GALT: variants seen among roughly 807,000 people sequenced by gnomAD.
GALT encodes the protein UDP-glucose--hexose-1-phosphate uridylyltransferase.
A neutral mutation model predicts 55.4 loss-of-function variants in GALT; 42 were observed. The ratio of observed to expected loss-of-function variants is 0.76; its 90% CI spans 0.59 to 0.98. GALT has a LOEUF of 0.98. GALT is among the 50% of genes least tolerant of loss of function. GALT has a pLI of 0.00. For missense variants in GALT, 407 were observed against 495.7 expected, an observed-to-expected ratio of 0.82 and a Z score of 1.70; for synonymous variants, 154 against 181.5, an observed-to-expected ratio of 0.85 and a Z score of 1.22.
At position 34,647,554 on chromosome 9, in the gene GALT, T is replaced by C. The variant is rs1487519949; in HGVS notation, c.315T>C (p.Asp105=). Residue 105 remains aspartate (D), a synonymous_variant, in exon 3 of 11, where the codon GAT becomes GAC. Transcript: ENST00000378842. This position sits in a 1 kb window ranked among gnomAD's most constrained non-coding sequence, Gnocchi z 5.6. Reference sequence around the variant, plus strand: ...ACGACTTCCCAGCTCTGCAGCCTGATGCCCCCAGTCCAGGTAACCTGGCTC... The same window carrying C: ...ACGACTTCCCAGCTCTGCAGCCTGACGCCCCCAGTCCAGGTAACCTGGCTC... ...FDNDFPALQP[D]APSPGPSDHP... 17 of 1,614,194 alleles carry C rather than the reference T, an allele frequency of 1.1e-5. No individual in the cohort carries two copies. The highest frequency in any genetic ancestry group is 1.4e-5 in the Non-Finnish European group (17 of 1,180,026).
rs1821168178 is a variant in GALT, at chr9:34,648,477, G to A, written c.687+21G>A. On this transcript the variant is annotated intron_variant, in intron 7 of 10. Coordinates refer to ENST00000378842, the MANE Select transcript of GALT (RefSeq NM_000155.4). This position sits in a 1 kb window ranked among gnomAD's most constrained non-coding sequence, Gnocchi z 4.9. ...GGAAGGTGGGAGAGAGCCAAGCCCT[G>A]TGTCCCCAAGGAGTCCCTAACTTTC... The A allele has an allele frequency of 1.9e-6, 3 of 1,614,162 alleles. No homozygotes were observed. Among genetic ancestry groups the A allele is most frequent in the Non-Finnish European group, 2.5e-6 (3 of 1,180,024 alleles).
rs1353805286 is a variant in GALT, at chr9:34,650,647, T to C, written c.*198T>C. On this transcript the variant is annotated 3_prime_UTR_variant, in exon 11 of 11. Coordinates refer to ENST00000378842, the MANE Select transcript of GALT (RefSeq NM_000155.4). ...GATCTAGGGTTAAAAGCTAAAGGCA[T>C]AGCTCCAGCTACAACTTTTCTTTGT... 1 of 586,788 alleles carries C rather than the reference T, an allele frequency of 1.7e-6. No homozygotes were observed. Among genetic ancestry groups the C allele is most frequent in the Non-Finnish European group, 3.0e-6 (1 of 330,130 alleles). The allele number at this position is 586,788 out of a possible 1,614,324, so 36.3% of individuals were successfully genotyped here.
Position 34,647,086 on chromosome 9 carries a change from C to T in GALT, c.83-3C>T, listed in dbSNP as rs794727235. The T allele has an allele frequency of 6.2e-7, 1 of 1,614,034 alleles. No homozygotes were observed. The highest frequency in any genetic ancestry group is 1.3e-5 in the African/African-American group (1 of 74,938). Reference sequence around the variant, plus strand: ...AGGACTGATCTTGACTGTCTGCCCCCAGACCATCAGCATATCCGCTACAAC... The same window carrying T: ...AGGACTGATCTTGACTGTCTGCCCCTAGACCATCAGCATATCCGCTACAAC... On this transcript the variant is annotated splice_region_variant and splice_polypyrimidine_tract_variant and intron_variant, in intron 1 of 10. Transcript: ENST00000378842. The surrounding 1 kb of genome is among the most constrained non-coding windows in gnomAD (Gnocchi z 5.6).
At chr9:34,650,302 A>AAAAAAT in intron 10 of GALT, 67 bp from the exon 11 acceptor site, 1 of 1,102,782 alleles carries the variant, frequency 9.1e-7, no homozygotes, top group Non-Finnish European at 1.4e-6. Context: ...AAAAAAATGA[A>AAAAAAT]GTCCATGCCA....
Position 34,650,748 on chromosome 9 carries a change from A to T in GALT, c.*299A>T. ...AAAATTAATATTCAGTATTATATCT[A>T]GCCTATAGATTCTCTTACTCTTGGT... On this transcript the variant is annotated 3_prime_UTR_variant, in exon 11 of 11. Transcript: ENST00000378842. 1 of 369,984 alleles carries T rather than the reference A, an allele frequency of 2.7e-6. No individual in the cohort carries two copies. The highest frequency in any genetic ancestry group is 5.5e-5 in the East Asian group (1 of 18,120). The allele number at this position is 369,984 out of a possible 1,614,324, so 22.9% of individuals were successfully genotyped here.
Position 34,648,826 on chromosome 9 carries a change from A to C in GALT, c.752A>C (p.Tyr251Ser), listed in dbSNP as rs111033755. 1.2e-5 allele frequency: 20 copies of C among 1,613,432 alleles called. No homozygotes were observed. Among genetic ancestry groups the C allele is most frequent in the Non-Finnish European group, 1.6e-5 (19 of 1,180,022 alleles). ...VLVPFWATWPYQTLLLPRRHV... is the reference protein window; with the variant it reads ...VLVPFWATWPSQTLLLPRRHV... ...GTCCCCTTCTGGGCAACATGGCCCT[A>C]CCAGACACTGCTGCTGCCCCGTCGG... is the stretch of plus-strand genomic sequence containing the variant. Residue 251 changes from tyrosine to serine, a missense_variant, in exon 8 of 11, where the codon TAC becomes TCC. Transcript: ENST00000378842. The surrounding 1 kb of genome is among the most constrained non-coding windows in gnomAD (Gnocchi z 4.9).
At chr9:34,649,900 C>T (rs1821211302) in intron 10 of GALT, 2 of 310,886 alleles carry the variant, frequency 6.4e-6, no homozygotes, top group Admixed American at 4.6e-5. Flanking sequence ...TCCCACAGGC[C>T]CACCCCCAGT....
At chr9:34,649,276 C>T in intron 9 of GALT, 134 bp from the exon 10 acceptor site, 1 of 1,334,624 alleles carries the variant, frequency 7.5e-7, no homozygotes, top group Non-Finnish European at 1.1e-6. Flanking sequence ...TTTCTAATCT[C>T]CTGCCAGCTC....
At position 34,646,697 on chromosome 9, in the gene GALT, G is replaced by A; in HGVS notation, c.-8G>A. ...TGCAGATTTTCCAGCGGATCCCCCG[G>A]TGGCCTCATGTCGCGCAGTGGAACC... On this transcript the variant is annotated 5_prime_UTR_variant, in exon 1 of 11. In the 5' UTR this introduces an upstream ATG that the reference lacks. Transcript: ENST00000378842. 2 of 1,613,682 alleles carry A rather than the reference G, an allele frequency of 1.2e-6. No individual in the cohort carries two copies. Among genetic ancestry groups the A allele is most frequent in the East Asian group, 2.2e-5 (1 of 44,868 alleles).
At position 34,650,573 on chromosome 9, in the gene GALT, T is replaced by C; in HGVS notation, c.*124T>C. The stretch of plus-strand genomic sequence containing the variant: ...TATAGCATTAATAAAACTGTGCATC[T>C]CAAACTTTTATCACATACTCTAATA... On this transcript the variant is annotated 3_prime_UTR_variant, in exon 11 of 11. Transcript: ENST00000378842. 1 of 806,998 alleles carries C rather than the reference T, an allele frequency of 1.2e-6. No homozygotes were observed. The highest frequency in any genetic ancestry group is 2.1e-6 in the Non-Finnish European group (1 of 487,026). The allele number at this position is 806,998 out of a possible 1,614,324, so 50.0% of individuals were successfully genotyped here. A position where few individuals can be genotyped will look rare whatever the true frequency, so the allele number is the denominator to read the frequency against.
chr9:34,649,640 C>T, intron 10 of GALT, 76 bp downstream of exon 10: 2 of 1,539,596 alleles, frequency 1.3e-6, no homozygotes, highest in South Asian at 1.1e-5. Context: ...TTCTGTTGCC[C>T]TTGTGCTCCA....
intron 10 of GALT, 147 bp downstream of exon 10, chr9:34,649,711 A>G: frequency 1.2e-6 from 1 of 849,168 alleles, no homozygotes. Flanking sequence ...TAGGAGCCCT[A>G]GGGCCTGGAA....
At chr9:34,650,297 AATG>A in intron 10 of GALT, 69 bp from the exon 11 acceptor site, 1 of 1,076,188 alleles carries the variant, frequency 9.3e-7, no homozygotes, top group Non-Finnish European at 1.4e-6. Flanking sequence ...AAAAAAAAAA[AATG>A]AAGTCCATGC....
Position 34,648,193 on chromosome 9 carries a change from G to C in GALT, c.564+22G>C. The C allele has an allele frequency of 1.9e-6, 3 of 1,614,090 alleles. No homozygotes were observed. Among genetic ancestry groups the C allele is most frequent in the Non-Finnish European group, 2.5e-6 (3 of 1,180,036 alleles). ...CCAGGTAAGGGTGTCAGGGGCTCCAGTGGGTTTCTTGGCTGAGTCTGAGCC... is the reference window on the plus strand; with the variant it reads ...CCAGGTAAGGGTGTCAGGGGCTCCACTGGGTTTCTTGGCTGAGTCTGAGCC... On this transcript the variant is annotated intron_variant, in intron 6 of 10. Coordinates refer to ENST00000378842, the MANE Select transcript of GALT (RefSeq NM_000155.4). The surrounding 1 kb of genome is among the most constrained non-coding windows in gnomAD (Gnocchi z 4.9).
intron 10 of GALT, chr9:34,650,005 G>C (rs1821213998): frequency 1.9e-5 from 6 of 314,666 alleles, no homozygotes; most frequent in Non-Finnish European, 3.0e-5. Context: ...CATCGGCCGG[G>C]TGTGGTGGCT....
In GALT at chr9:34,650,360, CT is replaced by C; in HGVS notation, c.1060-5del. 1 of 1,612,688 alleles carries C rather than the reference CT, an allele frequency of 6.2e-7. No homozygotes were observed. On this transcript the variant is annotated splice_region_variant and splice_polypyrimidine_tract_variant and intron_variant, in intron 10 of 10. Coordinates refer to ENST00000378842, the MANE Select transcript of GALT (RefSeq NM_000155.4). Reference sequence around the variant, plus strand: ...TATCCTCCTTAATTGCTCCCTGTCCCTTTTCCAGGCTGCAGAGAGACTAAGG... The same window carrying C: ...TATCCTCCTTAATTGCTCCCTGTCCCTTTCCAGGCTGCAGAGAGACTAAGG...
At chr9:34,650,193 T>C (rs937327322) in intron 10 of GALT, 176 bp from the exon 11 acceptor site, 12 of 608,212 alleles carry the variant, frequency 2.0e-5, no homozygotes, top group African/African-American at 1.7e-4. Context: ...TGAGATAGGA[T>C]CACTTGGGCC....
At position 34,647,102 on chromosome 9, in the gene GALT, C is replaced by T; in HGVS notation, c.96C>T (p.Ile32=). The change falls in exon 2 of 11, where the codon ATC becomes ATT. Residue 32 remains isoleucine, a synonymous_variant. Transcript: ENST00000378842. This position sits in a 1 kb window ranked among gnomAD's most constrained non-coding sequence, Gnocchi z 5.6. ...ATFRANDHQH[I]RYNPLQDEWV... ...GTCTGCCCCCAGACCATCAGCATAT[C>T]CGCTACAACCCGCTGCAGGATGAGT... The T allele has an allele frequency of 6.2e-7, 1 of 1,614,176 alleles. No individual in the cohort carries two copies. Among genetic ancestry groups the T allele is most frequent in the Non-Finnish European group, 8.5e-7 (1 of 1,180,040 alleles).
intron 10 of GALT, 87 bp from the exon 11 acceptor site, chr9:34,650,282 C>CAAAAAGAAA (rs557858289): frequency 2.2e-6 from 1 of 446,902 alleles, no homozygotes; most frequent in Non-Finnish European, 3.7e-6. Context: ...GACCTCGTCT[C>CAAAAAGAAA]AAAAAAAAAA....
Sources: allele counts gnomAD v4.1 joint callset, GRCh38; gene constraint gnomAD v4.1.1; non-coding constraint Gnocchi (gnomAD v3.1); transcripts MANE v1.5; gene names NCBI Gene and HGNC (gene_info 2026-07-23, HGNC 2026-07-21).